The following ST3GAL1 variants were observed in gnomAD, a reference collection of about 807,000 sequenced individuals.
ST3GAL1 encodes the protein CMP-N-acetylneuraminate-beta-galactosamide-alpha-2,3-sialyltransferase 1.
In ST3GAL1, 16 loss-of-function variants were observed where a neutral mutation model predicts 34.1. The observed-to-expected ratio is 0.47, with a 90% CI of 0.32 to 0.71. The LOEUF (loss-of-function observed/expected upper bound fraction) is 0.71, where lower values mean the gene tolerates loss of function less well. Ranked by LOEUF, ST3GAL1 falls within the 30% of genes least tolerant of loss-of-function variation. The pLI, the probability that ST3GAL1 is intolerant of heterozygous loss-of-function variation, is 0.04. For missense variants in ST3GAL1, 353 were observed against 447.4 expected (o/e 0.79, Z 1.90); for synonymous variants, 191 against 184.7 (o/e 1.03, Z -0.28).
At chr8:133,498,893 C>T (rs376538500) in intron 3 of ST3GAL1, among the ~76,000 whole-genome samples, 3 of 151,732 alleles carry the variant, frequency 2.0e-5, no homozygotes, top group Middle Eastern at 3.4e-3. Context: ...GCCTAAGCTC[C>T]GGGTTTGTCC....
In ST3GAL1 at chr8:133,543,167, T is replaced by A. The variant is rs185711406; in HGVS notation, c.-429+2607A>T. ...TGCACTGAAAAGGACACATCAGCTCTGGGCTAGTCCTGCCAACCTAATCAG... is the reference window on the plus strand; with the variant it reads ...TGCACTGAAAAGGACACATCAGCTCAGGGCTAGTCCTGCCAACCTAATCAG... On this transcript the variant is annotated intron_variant, in intron 2 of 9. Transcript: ENST00000522652. 2.7e-3 allele frequency among the ~76,000 whole-genome samples: 415 copies of A among 152,322 alleles called. 4 individuals are homozygous for A. Among genetic ancestry groups the A allele is most frequent in the East Asian group, 1.5e-3 (8 of 5,182 alleles).
chr8:133,541,106 T>C (rs1444156935), intron 2 of ST3GAL1, among the ~76,000 whole-genome samples: 1 of 50,322 alleles, frequency 2.0e-5, no homozygotes, highest in African/African-American at 1.1e-4. Context: ...CATATATATA[T>C]ATATATATAT....
intron 2 of ST3GAL1, among the ~76,000 whole-genome samples, chr8:133,517,495 G>A (rs1447468708): frequency 5.9e-5 from 9 of 152,220 alleles, no homozygotes; most frequent in East Asian, 1.9e-4. Context: ...GACTACAGGC[G>A]CGTGCCAACC....
rs1433883711 is a variant in ST3GAL1 at position 133,541,128 on chromosome 8, G to T, written c.-429+4646C>A. Among the ~76,000 whole-genome samples the T allele has an allele frequency of 4.9e-4, 63 of 128,566 alleles. 4 individuals are homozygous for T. Among genetic ancestry groups the T allele is most frequent in the African/African-American group, 1.2e-3 (35 of 30,252 alleles). 84.3% of individuals were successfully genotyped at this position (128,566 alleles called of 152,430 possible). ...ATATATATATATATATATAGAGAGAGAGAGAGAGAGAGAGAGAGAGAGAGA... is the reference window on the plus strand; with the variant it reads ...ATATATATATATATATATAGAGAGATAGAGAGAGAGAGAGAGAGAGAGAGA... On this transcript the variant is annotated intron_variant, in intron 2 of 9. Transcript: ENST00000522652.
At chr8:133,540,708 C>A (rs1373584389) in intron 2 of ST3GAL1, among the ~76,000 whole-genome samples, 3 of 120,450 alleles carry the variant, frequency 2.5e-5, no homozygotes, top group African/African-American at 6.3e-5. Context: ...TATATATATA[C>A]AGACATATAT....
rs75893278 is a variant in ST3GAL1 at position 133,484,619 on chromosome 8, G to A, written c.-373-8019C>T. Among the ~76,000 whole-genome samples, 830 of 152,264 alleles carry A rather than the reference G, an allele frequency of 5.5e-3. 7 individuals carry two copies. Among genetic ancestry groups the A allele is most frequent in the African/African-American group, 0.018 (761 of 41,548 alleles). ...AACTTCCACATGGAACTCTCCCAGC[G>A]CAGTCCCTTGTGCCCCTGTGTTATT... On this transcript the variant is annotated intron_variant, in intron 3 of 9. Coordinates refer to ENST00000522652, the MANE Select transcript of ST3GAL1 (RefSeq NM_173344.3).
intron 2 of ST3GAL1, among the ~76,000 whole-genome samples, chr8:133,512,340 C>T (rs748795702): frequency 3.3e-5 from 5 of 152,134 alleles, no homozygotes; most frequent in Admixed American, 6.6e-5. Flanking sequence ...AGATGGAGGC[C>T]GGAAGACTCA....
At chr8:133,522,878 G>A (rs1236578182) in intron 2 of ST3GAL1, among the ~76,000 whole-genome samples, 2 of 152,130 alleles carry the variant, frequency 1.3e-5, no homozygotes, top group East Asian at 1.9e-4. Flanking sequence ...CCAGGCGAGG[G>A]AAGGGGCTCA....
At position 133,508,651 on chromosome 8, in the gene ST3GAL1, C is replaced by T. The variant is rs1467563803; in HGVS notation, c.-428-9462G>A. ...CTTTCTCAAGAGCTGGGAGGATCCTCTATAACCACCGAGTCCAGACTCTTG... is the reference window on the plus strand; with the variant it reads ...CTTTCTCAAGAGCTGGGAGGATCCTTTATAACCACCGAGTCCAGACTCTTG... On this transcript the variant is annotated intron_variant, in intron 2 of 9. Coordinates refer to ENST00000522652, the MANE Select transcript of ST3GAL1 (RefSeq NM_173344.3). The surrounding 1 kb of genome is among the most constrained non-coding windows in gnomAD (Gnocchi z 4.1). Among the ~76,000 whole-genome samples, 3 of 152,018 alleles carry T rather than the reference C, an allele frequency of 2.0e-5. No individual in the cohort carries two copies. Among genetic ancestry groups the T allele is most frequent in the Admixed American group, 2.0e-4 (3 of 15,270 alleles).
intron 2 of ST3GAL1, among the ~76,000 whole-genome samples, chr8:133,540,258 G>A (rs540935485): frequency 6.6e-6 from 1 of 152,170 alleles, no homozygotes; most frequent in African/African-American, 2.4e-5. Flanking sequence ...TGCTCTTAAA[G>A]GTTATCAGCA....
intron 1 of ST3GAL1, among the ~76,000 whole-genome samples, chr8:133,547,996 T>C (rs1563737476): frequency 2.0e-5 from 3 of 152,196 alleles, no homozygotes. Context: ...ATTTGCCTGG[T>C]TCTGGAAACC....
chr8:133,494,189 T>C (rs1200168389), intron 3 of ST3GAL1, among the ~76,000 whole-genome samples: 1 of 152,206 alleles, frequency 6.6e-6, no homozygotes, highest in African/African-American at 2.4e-5. Flanking sequence ...GACCCCACAA[T>C]ATGCCTGGGA....
At position 133,508,661 on chromosome 8, in the gene ST3GAL1, C is replaced by T. The variant is rs66952577; in HGVS notation, c.-428-9472G>A. ...AGCTGGGAGGATCCTCTATAACCAC[C>T]GAGTCCAGACTCTTGGCTTTTGTGA... is the stretch of plus-strand genomic sequence containing the variant. On this transcript the variant is annotated intron_variant, in intron 2 of 9. Coordinates refer to ENST00000522652, the MANE Select transcript of ST3GAL1 (RefSeq NM_173344.3). The surrounding 1 kb of genome is among the most constrained non-coding windows in gnomAD (Gnocchi z 4.1). Among the ~76,000 whole-genome samples the T allele has an allele frequency of 0.13, 20,129 of 151,888 alleles. 1,448 individuals are homozygous for T. Among genetic ancestry groups the T allele is most frequent in the East Asian group, 0.26 (1,332 of 5,166 alleles).
At chr8:133,569,373 CAT>C (rs375911870) in intron 1 of ST3GAL1, among the ~76,000 whole-genome samples, 19 of 152,338 alleles carry the variant, frequency 1.2e-4, no homozygotes, top group African/African-American at 4.6e-4. Context: ...CACATACACA[CAT>C]GTAGAGTATG....
chr8:133,512,329 A>G (rs936233431), intron 2 of ST3GAL1, among the ~76,000 whole-genome samples: 4 of 152,180 alleles, frequency 2.6e-5, no homozygotes, highest in African/African-American at 7.2e-5. Context: ...GCACAGGAGA[A>G]AGATGGAGGC....
At chr8:133,496,295 G>A (rs1002121790) in intron 3 of ST3GAL1, among the ~76,000 whole-genome samples, 6 of 152,210 alleles carry the variant, frequency 3.9e-5, no homozygotes, top group Admixed American at 6.5e-5. Context: ...GCTGCTTCTG[G>A]AAATGAGTTT....
chr8:133,498,131 A>G (rs529599893), intron 3 of ST3GAL1, among the ~76,000 whole-genome samples: 1 of 152,188 alleles, frequency 6.6e-6, no homozygotes, highest in African/African-American at 2.4e-5. Flanking sequence ...CACAGCCTTC[A>G]TCAGGAACTG....
intron 3 of ST3GAL1, among the ~76,000 whole-genome samples, chr8:133,488,876 C>A (rs188979487): frequency 6.7e-6 from 1 of 148,796 alleles, no homozygotes; most frequent in Admixed American, 6.7e-5. Flanking sequence ...ACAGGGGGGG[C>A]CAGGCAAGGT....
intron 1 of ST3GAL1, among the ~76,000 whole-genome samples, chr8:133,567,982 ACGATCTCAG>A (rs1819455663): frequency 6.7e-6 from 1 of 148,922 alleles, no homozygotes; most frequent in Non-Finnish European, 1.5e-5. Flanking sequence ...GTGCCATGGC[ACGATCTCAG>A]CTCACTGCAA....
Sources: allele counts gnomAD v4.1 joint callset (sites outside exome capture counted in the v4.1 genomes callset), GRCh38; gene constraint gnomAD v4.1.1; non-coding constraint Gnocchi (gnomAD v3.1); transcripts MANE v1.5; gene names NCBI Gene and HGNC (gene_info 2026-07-23, HGNC 2026-07-21).